FLNB: variants seen among roughly 807,000 people sequenced by gnomAD.
FLNB encodes the protein filamin B.
In FLNB, 111 loss-of-function variants were observed where a neutral mutation model predicts 250.6. The observed-to-expected ratio is 0.44, with a 90% CI of 0.38 to 0.52. FLNB has a LOEUF of 0.52. Among genes scored for constraint, FLNB ranks in the 20% least tolerant of loss-of-function variants. FLNB has a pLI of 0.00. For missense variants in FLNB, 2,869 were observed against 3,447.8 expected (o/e 0.83, Z 4.20); for synonymous variants, 1,302 against 1,372.1 (o/e 0.95, Z 1.13).
chr3:58,136,853 G>C (rs1449171312), intron 28 of FLNB, among the ~76,000 whole-genome samples: 1 of 144,994 alleles, frequency 6.9e-6, no homozygotes. Context: ...CTGAGTAGCT[G>C]GGACCACAGG....
intron 1 of FLNB, among the ~76,000 whole-genome samples, chr3:58,063,327 A>T (rs2097181105): frequency 6.6e-6 from 1 of 152,004 alleles, no homozygotes; most frequent in Non-Finnish European, 1.5e-5. Flanking sequence ...ATGGAATTCC[A>T]CCCGTAAGAA....
intron 1 of FLNB, among the ~76,000 whole-genome samples, chr3:58,069,670 A>C (rs1026565401): frequency 2.6e-5 from 4 of 152,044 alleles, no homozygotes; most frequent in African/African-American, 9.7e-5. Context: ...GAACCACCTA[A>C]AATTCTTTCT....
At chr3:58,147,186 G>A (rs1381141362) in intron 34 of FLNB, among the ~76,000 whole-genome samples, 193 bp downstream of exon 34, 2 of 152,246 alleles carry the variant, frequency 1.3e-5, no homozygotes, top group Admixed American at 1.3e-4. Flanking sequence ...TGATAATCCA[G>A]GAAAATGCGA....
At chr3:58,088,763 A>T (rs967035848) in intron 4 of FLNB, among the ~76,000 whole-genome samples, 1 of 152,184 alleles carries the variant, frequency 6.6e-6, no homozygotes, top group Non-Finnish European at 1.5e-5. Context: ...CATAGAAAAA[A>T]CTATGCAGCC....
chr3:58,161,273 G>T (rs2097361218), intron 42 of FLNB, among the ~76,000 whole-genome samples: 1 of 152,188 alleles, frequency 6.6e-6, no homozygotes, highest in South Asian at 2.1e-4. Flanking sequence ...TAGTGATTGG[G>T]TCGGAAGATG....
Position 58,112,300 on chromosome 3 carries a change from A to T in FLNB, c.2727A>T (p.Lys909Asn). 6.2e-7 allele frequency: 1 copy of T among 1,613,638 alleles called. No homozygotes were observed. The highest frequency in any genetic ancestry group is 8.5e-7 in the Non-Finnish European group (1 of 1,180,008). Residue 909 changes from lysine (K) to asparagine (N), a missense_variant, in exon 18 of 46, where the codon AAA (lysine) becomes AAT (asparagine). Transcript: ENST00000295956. ...ATTATGACTACTCTCACACGGTTAA[A>T]TATACACCCACCCAACAGGTAGGGT... ...IDNYDYSHTV[K>N]YTPTQQGNMQ...
At chr3:58,082,635 G>T (rs1232699805) in intron 4 of FLNB, among the ~76,000 whole-genome samples, 1 of 152,032 alleles carries the variant, frequency 6.6e-6, no homozygotes, top group Admixed American at 6.5e-5. Context: ...GCCAGGCATG[G>T]TGGCGGGTGC....
At chr3:58,030,363 A>G (rs1029874951) in intron 1 of FLNB, among the ~76,000 whole-genome samples, 84 of 152,336 alleles carry the variant, frequency 5.5e-4, no homozygotes, top group African/African-American at 2.0e-3. Flanking sequence ...GGGATCCAGC[A>G]TCTAAATGAT....
chr3:58,045,600 C>G (rs2097152648), intron 1 of FLNB, among the ~76,000 whole-genome samples: 1 of 152,138 alleles, frequency 6.6e-6, no homozygotes, highest in Non-Finnish European at 1.5e-5. Context: ...GGAAGTAACT[C>G]AATTTTGTGA....
chr3:58,155,557 A>C (rs2097352045), intron 40 of FLNB, among the ~76,000 whole-genome samples: 1 of 149,814 alleles, frequency 6.7e-6, no homozygotes, highest in Admixed American at 6.6e-5. Flanking sequence ...ATAACTGTAA[A>C]ATGACATAAA....
Position 58,125,621 on chromosome 3 carries a change from C to A in FLNB, c.3939C>A (p.Ile1313=), listed in dbSNP as rs1401132701. The A allele has an allele frequency of 6.2e-7, 1 of 1,614,170 alleles. No individual in the cohort carries two copies. Among genetic ancestry groups the A allele is most frequent in the Non-Finnish European group, 8.5e-7 (1 of 1,180,034 alleles). Reference sequence around the variant, plus strand: ...AGGTGACATATGATGACGTGCCTATCCCAAACAGTCCCTTCAAGGTGGCTG... The same window carrying A: ...AGGTGACATATGATGACGTGCCTATACCAAACAGTCCCTTCAAGGTGGCTG... ...VVEVTYDDVP[I]PNSPFKVAVT... is the part of the protein sequence containing the mutation. The change falls in exon 23 of 46, where the codon ATC becomes ATA. Residue 1313 remains isoleucine, a synonymous_variant. Coordinates refer to ENST00000295956, the MANE Select transcript of FLNB (RefSeq NM_001457.4).
chr3:58,127,749 T>G (rs752034874), intron 24 of FLNB, among the ~76,000 whole-genome samples: 1 of 152,208 alleles, frequency 6.6e-6, no homozygotes, highest in African/African-American at 2.4e-5. Flanking sequence ...TAAATAAATA[T>G]ATGACTTAAG....
intron 27 of FLNB, 34 bp from the exon 28 acceptor site, chr3:58,135,945 A>C (rs1295170606): frequency 6.2e-7 from 1 of 1,608,004 alleles, no homozygotes; most frequent in East Asian, 2.2e-5. Context: ...ACATCTTGAC[A>C]ACATCCTAAA....
Position 58,123,300 on chromosome 3 carries a change from CT to C in FLNB, c.3335del (p.Leu1112ProfsTer81). The C allele has an allele frequency of 6.2e-7, 1 of 1,614,178 alleles. No individual in the cohort carries two copies. Among genetic ancestry groups the C allele is most frequent in the Non-Finnish European group, 8.5e-7 (1 of 1,180,026 alleles). On this transcript the variant is annotated frameshift_variant, in exon 21 of 46. Transcript: ENST00000295956. LOFTEE classifies it high-confidence loss of function. ...ACCCGGGGAGTACTTCGTCAACATC[CT>C]CTTTGAAGAAGTCCACATACCTGGG... ...TKPGEYFVNI[L>X]FEEVHIPGSP...
intron 41 of FLNB, 102 bp from the exon 42 acceptor site, chr3:58,159,452 A>G (rs2097358082): frequency 1.1e-5 from 13 of 1,189,302 alleles, no homozygotes; most frequent in African/African-American, 1.5e-5. Flanking sequence ...AGAAAAACCT[A>G]TTTGCATGAG....
At chr3:58,161,387 C>T (rs759968779) in intron 42 of FLNB, among the ~76,000 whole-genome samples, 16 of 152,140 alleles carry the variant, frequency 1.1e-4, no homozygotes, top group Non-Finnish European at 1.0e-4. Context: ...TTTGAAGGAT[C>T]CCCAATACCC....
intron 39 of FLNB, 188 bp from the exon 40 acceptor site, chr3:58,154,603 T>G (rs2097350530): frequency 1.7e-6 from 1 of 599,118 alleles, no homozygotes; most frequent in African/African-American, 1.9e-5. Context: ...TGAATTTAGT[T>G]ATCACTAGTG....
At chr3:58,143,394 T>C in intron 31 of FLNB, 79 bp from the exon 32 acceptor site, 1 of 1,504,314 alleles carries the variant, frequency 6.6e-7, no homozygotes, top group Non-Finnish European at 9.2e-7. Flanking sequence ...TTATTTTGAA[T>C]ACATCTGTGC....
intron 1 of FLNB, among the ~76,000 whole-genome samples, chr3:58,028,025 T>G (rs1327716906): frequency 6.6e-6 from 1 of 152,190 alleles, no homozygotes; most frequent in Non-Finnish European, 1.5e-5. Flanking sequence ...CATTGAGCCT[T>G]TTCCTTGACC....
Sources: gnomAD v4.1 joint callset for allele counts (sites outside exome capture counted in the v4.1 genomes callset) on GRCh38, gnomAD v4.1.1 for gene constraint, MANE v1.5 for transcripts, NCBI Gene and HGNC (gene_info 2026-07-23, HGNC 2026-07-21) for gene names.